Variants in CEP112 observed in about 807,000 individuals in gnomAD.
CEP112 encodes the protein centrosomal protein of 112 kDa.
In CEP112, 127 loss-of-function variants were observed where a neutral mutation model predicts 153.0. That is an observed-to-expected ratio of 0.83 (90% confidence interval 0.72 to 0.96). The LOEUF is 0.96. Ranked by LOEUF, CEP112 falls within the 40% of genes least tolerant of loss-of-function variation. The pLI is 0.00. For missense variants in CEP112, 1,089 were observed against 1,101.2 expected, an observed-to-expected ratio of 0.99 and a Z score of 0.16; for synonymous variants, 358 against 374.4, an observed-to-expected ratio of 0.96 and a Z score of 0.51.
intron 8 of CEP112, among the ~76,000 whole-genome samples, chr17:66,090,547 T>G (rs1319576632): frequency 6.6e-6 from 1 of 152,024 alleles, no homozygotes; most frequent in Non-Finnish European, 1.5e-5. Flanking sequence ...CTACAATAGT[T>G]GCACGAAACA....
In CEP112 at chr17:66,028,299, A is replaced by C; in HGVS notation, c.1596+14T>G. On this transcript the variant is annotated intron_variant, in intron 15 of 26. Transcript: ENST00000535342. Reference sequence around the variant, plus strand: ...TTTGACCATTGTTCTTCTGTGTAGAAATACAAGACTCACCCTTAGTTGTTG... The same window carrying C: ...TTTGACCATTGTTCTTCTGTGTAGACATACAAGACTCACCCTTAGTTGTTG... 6.8e-7 allele frequency: 1 copy of C among 1,481,140 alleles called. No homozygotes were observed. Among genetic ancestry groups the C allele is most frequent in the Non-Finnish European group, 9.3e-7 (1 of 1,070,126 alleles). 91.7% of individuals were successfully genotyped at this position (1,481,140 alleles called of 1,614,324 possible).
At chr17:66,155,037 C>G (rs529028720) in intron 4 of CEP112, among the ~76,000 whole-genome samples, 12 of 152,222 alleles carry the variant, frequency 7.9e-5, no homozygotes, top group African/African-American at 2.9e-4. Flanking sequence ...GATGATACAA[C>G]AAGAAGGTCC....
chr17:65,867,708 G>A (rs1366200625), intron 20 of CEP112, among the ~76,000 whole-genome samples: 1 of 151,792 alleles, frequency 6.6e-6, no homozygotes, highest in Non-Finnish European at 1.5e-5. Flanking sequence ...AAATAATAAG[G>A]AGTTTATTAT....
chr17:66,046,663 T>G (rs1200040453), intron 12 of CEP112, among the ~76,000 whole-genome samples: 1 of 152,156 alleles, frequency 6.6e-6, no homozygotes, highest in Non-Finnish European at 1.5e-5. Context: ...TGTGGCCTTA[T>G]TTGGTTGGAA....
At chr17:66,004,445 C>T (rs1480381327) in intron 17 of CEP112, among the ~76,000 whole-genome samples, 3 of 152,028 alleles carry the variant, frequency 2.0e-5, no homozygotes, top group East Asian at 3.9e-4. Flanking sequence ...GAGCCGAGAT[C>T]GCACCACTGC....
chr17:65,920,947 T>C (rs762635620), intron 19 of CEP112, among the ~76,000 whole-genome samples: 1 of 152,070 alleles, frequency 6.6e-6, no homozygotes, highest in Non-Finnish European at 1.5e-5. Context: ...AGCTTAAAGC[T>C]GCAGAAAACT....
intron 5 of CEP112, among the ~76,000 whole-genome samples, chr17:66,131,251 T>A (rs2070149523): frequency 6.6e-6 from 1 of 152,192 alleles, no homozygotes; most frequent in East Asian, 1.9e-4. Flanking sequence ...CTACTAGTGG[T>A]CCTCTGCTTT....
intron 11 of CEP112, among the ~76,000 whole-genome samples, chr17:66,054,338 A>C (rs1160918313): frequency 6.6e-6 from 1 of 152,214 alleles, no homozygotes; most frequent in East Asian, 1.9e-4. Context: ...CCTGCACCTC[A>C]AACAAGAAAT....
At chr17:65,852,663 A>G (rs2058004826) in intron 20 of CEP112, among the ~76,000 whole-genome samples, 2 of 151,558 alleles carry the variant, frequency 1.3e-5, no homozygotes, top group South Asian at 4.2e-4. Flanking sequence ...TATTACATGT[A>G]TTTTTCTGAA....
chr17:65,800,749 T>C (rs1439013286), intron 21 of CEP112, among the ~76,000 whole-genome samples: 1 of 152,218 alleles, frequency 6.6e-6, no homozygotes, highest in African/African-American at 2.4e-5. Flanking sequence ...TTCCAATGTG[T>C]ATTCATGTCT....
chr17:65,849,565 T>A (rs2057852334), intron 21 of CEP112, among the ~76,000 whole-genome samples: 1 of 152,196 alleles, frequency 6.6e-6, no homozygotes, highest in South Asian at 2.1e-4. Context: ...GTTCATCTCC[T>A]ATTAAAAAGA....
intron 24 of CEP112, among the ~76,000 whole-genome samples, chr17:65,662,759 C>T (rs1032016619): frequency 2.0e-5 from 3 of 152,002 alleles, no homozygotes; most frequent in South Asian, 4.2e-4. Flanking sequence ...GTGGATATTA[C>T]GATGAATGCC....
chr17:65,861,242 T>A (rs1027961485), intron 20 of CEP112, among the ~76,000 whole-genome samples: 4 of 152,208 alleles, frequency 2.6e-5, no homozygotes, highest in Non-Finnish European at 5.9e-5. Context: ...TTGTATGGAA[T>A]GGCAATTATA....
chr17:66,081,593 T>G (rs1039652457), intron 8 of CEP112, among the ~76,000 whole-genome samples: 1 of 149,924 alleles, frequency 6.7e-6, no homozygotes, highest in African/African-American at 2.5e-5. Context: ...AAATTATATA[T>G]TTGACTAGCA....
chr17:66,117,862 C>T (rs1053364644), intron 6 of CEP112, among the ~76,000 whole-genome samples: 1 of 152,092 alleles, frequency 6.6e-6, no homozygotes, highest in African/African-American at 2.4e-5. Flanking sequence ...TCTCAATAGA[C>T]ACTTCTCAGA....
intron 20 of CEP112, among the ~76,000 whole-genome samples, chr17:65,873,861 C>A (rs554371364): frequency 1.3e-5 from 2 of 152,018 alleles, no homozygotes; most frequent in African/African-American, 4.8e-5. Context: ...GTAAAAGATG[C>A]CTTGAATATG....
chr17:65,836,414 GAC>G (rs1398430122), intron 21 of CEP112, among the ~76,000 whole-genome samples: 2 of 152,118 alleles, frequency 1.3e-5, no homozygotes, highest in South Asian at 2.1e-4. Context: ...CACCTATAAA[GAC>G]ACACACAGAC....
At chr17:66,138,590 T>G (rs1425653707) in intron 4 of CEP112, among the ~76,000 whole-genome samples, 2 of 152,184 alleles carry the variant, frequency 1.3e-5, no homozygotes, top group East Asian at 3.8e-4. Flanking sequence ...GTAAAAGTAT[T>G]GAATTTTTTA....
intron 19 of CEP112, among the ~76,000 whole-genome samples, chr17:65,922,133 C>A (rs2060754411): frequency 2.0e-5 from 3 of 152,086 alleles, no homozygotes; most frequent in Non-Finnish European, 2.9e-5. Flanking sequence ...CTTTTACCGA[C>A]TTTAGATGGC....
Sources: gnomAD v4.1 joint callset for allele counts (sites outside exome capture counted in the v4.1 genomes callset) on GRCh38, gnomAD v4.1.1 for gene constraint, MANE v1.5 for transcripts, NCBI Gene and HGNC (gene_info 2026-07-23, HGNC 2026-07-21) for gene names.